LCLAT1: variants seen among roughly 807,000 people sequenced by gnomAD.
The protein encoded by LCLAT1 is 1-AGP acyltransferase 8.
A neutral mutation model predicts 30.7 loss-of-function variants in LCLAT1; 11 were observed. That is an observed-to-expected ratio of 0.36 (90% CI 0.23 to 0.59). The LOEUF (loss-of-function observed/expected upper bound fraction) is 0.59. Ranked by LOEUF, LCLAT1 falls within the 20% of genes least tolerant of loss-of-function variation. LCLAT1 has a pLI of 0.77. For synonymous variants in LCLAT1, 155 were observed against 151.3 expected (o/e 1.02, Z -0.18); for missense variants, 402 against 458.6 (o/e 0.88, Z 1.13).
chr2:30,541,730 G>A (rs867499651), intron 3 of LCLAT1, among the ~76,000 whole-genome samples: 4 of 152,156 alleles, frequency 2.6e-5, no homozygotes, highest in Admixed American at 6.5e-5. Context: ...CAACAGTCAA[G>A]TTGTATCCTT....
chr2:30,462,308 A>G lies in LCLAT1; in HGVS notation c.-5+14925A>G, dbSNP rs78971819. On this transcript the variant is annotated intron_variant, in intron 1 of 5. Coordinates refer to ENST00000379509, the MANE Select transcript of LCLAT1 (RefSeq NM_001002257.3). Reference sequence around the variant, plus strand: ...TAAGTTGCACTGGAGATGAAAGTGTATAATTGGAAAGTTAGAGTATATGAA... The same window carrying G: ...TAAGTTGCACTGGAGATGAAAGTGTGTAATTGGAAAGTTAGAGTATATGAA... Among the ~76,000 whole-genome samples the G allele has an allele frequency of 9.7e-3, 1,485 of 152,328 alleles. 29 individuals are homozygous for G. Among genetic ancestry groups the G allele is most frequent in the African/African-American group, 0.034 (1,411 of 41,574 alleles).
intron 1 of LCLAT1, among the ~76,000 whole-genome samples, chr2:30,481,283 G>T (rs980684450): frequency 6.6e-6 from 1 of 152,200 alleles, no homozygotes; most frequent in African/African-American, 2.4e-5. Context: ...AAGATTACAC[G>T]CAAGTGTTAG....
intron 1 of LCLAT1, among the ~76,000 whole-genome samples, chr2:30,464,577 A>C (rs930449106): frequency 1.3e-5 from 2 of 152,224 alleles, no homozygotes; most frequent in Non-Finnish European, 2.9e-5. Context: ...TTTTATTTGC[A>C]TGTCAGATAC....
In LCLAT1 at chr2:30,544,762, C is replaced by T. The variant is rs541315846; in HGVS notation, c.364+11448C>T. On this transcript the variant is annotated intron_variant, in intron 3 of 5. Coordinates refer to ENST00000379509, the MANE Select transcript of LCLAT1 (RefSeq NM_001002257.3). ...TGGTTTATGAAGGTGGATACACCCT[C>T]CTACCCCTTACCTTACAGAAATCCG... Among the ~76,000 whole-genome samples the T allele has an allele frequency of 5.9e-5, 9 of 152,280 alleles. No individual in the cohort carries two copies. The South Asian group carries it at 1.0e-3, about 18-fold the overall frequency.
intron 5 of LCLAT1, among the ~76,000 whole-genome samples, chr2:30,602,747 T>TAGGTGTA (rs1667246871): frequency 6.6e-6 from 1 of 152,182 alleles, no homozygotes; most frequent in East Asian, 1.9e-4. Context: ...GTGTAAAGTT[T>TAGGTGTA]AAGCATCATG....
rs1664616894 is a variant in LCLAT1, at chr2:30,550,163, GT to G, written c.365-11982del. On this transcript the variant is annotated intron_variant, in intron 3 of 5. Transcript: ENST00000379509. ...TGCATCAACAAATAGATGTTCTGAA[GT>G]AAACTTTTTATATGGAATCATTTTA... Among the ~76,000 whole-genome samples the G allele has an allele frequency of 2.6e-5, 4 of 152,200 alleles. No homozygotes were observed. In the South Asian group the frequency reaches 8.3e-4, roughly 32 times the overall value.
intron 3 of LCLAT1, among the ~76,000 whole-genome samples, chr2:30,546,835 T>G (rs993447496): frequency 1.3e-5 from 2 of 152,120 alleles, no homozygotes; most frequent in Non-Finnish European, 2.9e-5. Context: ...TATTTTTGAC[T>G]CTATCCAGTT....
chr2:30,560,474 G>A (rs1291933238), intron 3 of LCLAT1, among the ~76,000 whole-genome samples: 3 of 152,068 alleles, frequency 2.0e-5, no homozygotes, highest in African/African-American at 7.2e-5. Context: ...AAGTAGCTGG[G>A]ATTACAGGCA....
intron 3 of LCLAT1, among the ~76,000 whole-genome samples, chr2:30,536,928 T>C (rs1686273926): frequency 6.6e-6 from 1 of 152,210 alleles, no homozygotes; most frequent in Admixed American, 6.5e-5. Context: ...TAAATGAATT[T>C]TTTAAAAATA....
chr2:30,631,060 A>G (rs912799285), intron 5 of LCLAT1, among the ~76,000 whole-genome samples: 1 of 152,210 alleles, frequency 6.6e-6, no homozygotes, highest in African/African-American at 2.4e-5. Context: ...CAAAAACCTG[A>G]TTTAAACCAG....
At chr2:30,600,542 A>G (rs114680100) in intron 5 of LCLAT1, among the ~76,000 whole-genome samples, 1,970 of 152,314 alleles carry the variant, frequency 0.013, 45 homozygotes, top group African/African-American at 0.044. Flanking sequence ...ACACAGAGAT[A>G]TGAAAAACAA....
intron 5 of LCLAT1, among the ~76,000 whole-genome samples, chr2:30,621,122 G>T (rs1668226746): frequency 6.6e-6 from 1 of 152,108 alleles, no homozygotes; most frequent in South Asian, 2.1e-4. Flanking sequence ...TCAACCCACT[G>T]AAAGTCCTTA....
intron 5 of LCLAT1, among the ~76,000 whole-genome samples, chr2:30,594,521 C>G (rs1309003934): frequency 1.3e-5 from 2 of 152,098 alleles, no homozygotes; most frequent in African/African-American, 4.8e-5. Flanking sequence ...AGTTTTATTG[C>G]TGTTTCATTT....
Position 30,522,129 on chromosome 2 carries a change from G to A in LCLAT1, c.-4-3458G>A, listed in dbSNP as rs185071473. Among the ~76,000 whole-genome samples, 486 of 152,140 alleles carry A rather than the reference G, an allele frequency of 3.2e-3. 2 individuals are homozygous for A. Among genetic ancestry groups the A allele is most frequent in the Non-Finnish European group, 5.6e-3 (379 of 68,000 alleles). On this transcript the variant is annotated intron_variant, in intron 1 of 5. Coordinates refer to ENST00000379509, the MANE Select transcript of LCLAT1 (RefSeq NM_001002257.3). ...GACATTTGGCTGGTTTCCAGTTTTTGGTAATTATGAATAATGCTGCTGTGA... is the reference window on the plus strand; with the variant it reads ...GACATTTGGCTGGTTTCCAGTTTTTAGTAATTATGAATAATGCTGCTGTGA...
intron 3 of LCLAT1, among the ~76,000 whole-genome samples, chr2:30,540,697 T>G (rs1184122577): frequency 1.3e-5 from 2 of 151,310 alleles, no homozygotes; most frequent in Non-Finnish European, 2.9e-5. Context: ...AAAGTCTCCC[T>G]CTTGTCCCCC....
chr2:30,628,799 AC>A (rs1668634039), intron 5 of LCLAT1, among the ~76,000 whole-genome samples: 1 of 152,230 alleles, frequency 6.6e-6, no homozygotes, highest in African/African-American at 2.4e-5. Flanking sequence ...AAAGAAAAAA[AC>A]GTATTTCATC....
chr2:30,640,227 G>A lies in LCLAT1; in HGVS notation c.739G>A (p.Val247Ile), dbSNP rs370170585. The change falls in exon 6 of 6, where the codon GTC (valine) becomes ATC (isoleucine). Residue 247 changes from valine to isoleucine, a missense_variant. Coordinates refer to ENST00000379509, the MANE Select transcript of LCLAT1 (RefSeq NM_001002257.3). ...CTTTCCCAGGGAAATCCACTTTCACGTCCACCGGTATCCAATAGACACCCT... is the reference window on the plus strand; with the variant it reads ...CTTTCCCAGGGAAATCCACTTTCACATCCACCGGTATCCAATAGACACCCT... ...GDFPREIHFHVHRYPIDTLPT... is the reference protein window; with the variant it reads ...GDFPREIHFHIHRYPIDTLPT... 61 of 1,613,934 alleles carry A rather than the reference G, an allele frequency of 3.8e-5. No homozygotes were observed. The highest frequency in any genetic ancestry group is 2.6e-4 in the South Asian group (24 of 91,076).
At chr2:30,507,299 T>C (rs544589985) in intron 1 of LCLAT1, among the ~76,000 whole-genome samples, 30 of 152,286 alleles carry the variant, frequency 2.0e-4, no homozygotes, top group Admixed American at 1.4e-3. Context: ...TTAACAGGGA[T>C]TAACTGATGT....
At chr2:30,603,736 A>C (rs549332815) in intron 5 of LCLAT1, among the ~76,000 whole-genome samples, 1 of 152,094 alleles carries the variant, frequency 6.6e-6, no homozygotes, top group African/African-American at 2.4e-5. Context: ...CAGCTGTGCA[A>C]CATGCATGTA....
Sources: gnomAD v4.1 joint callset for allele counts (sites outside exome capture counted in the v4.1 genomes callset) on GRCh38, gnomAD v4.1.1 for gene constraint, MANE v1.5 for transcripts, NCBI Gene and HGNC (gene_info 2026-07-23, HGNC 2026-07-21) for gene names.